The following TCERG1L variants were observed in gnomAD, a reference collection of about 807,000 sequenced individuals.
TCERG1L encodes the protein transcription elongation regulator 1 like, also known as transcription elongation regulator 1-like protein.
In TCERG1L, 37 loss-of-function variants were observed where a neutral mutation model predicts 56.3. That is an observed-to-expected ratio of 0.66 (90% CI 0.51 to 0.87). The LOEUF (loss-of-function observed/expected upper bound fraction) is 0.87, where lower values mean the gene tolerates loss of function less well. TCERG1L is among the 40% of genes least tolerant of loss of function. The pLI, the probability that TCERG1L is intolerant of heterozygous loss-of-function variation, is 0.00. For missense variants in TCERG1L, 799 were observed against 774.2 expected, an observed-to-expected ratio of 1.03 and a Z score of -0.38; for synonymous variants, 324 against 326.3, an observed-to-expected ratio of 0.99 and a Z score of 0.08.
intron 4 of TCERG1L, among the ~76,000 whole-genome samples, chr10:131,167,752 G>A (rs1846047706): frequency 6.6e-6 from 1 of 152,210 alleles, no homozygotes; most frequent in Admixed American, 6.5e-5. Context: ...CGGACCCACA[G>A]CACTTGGAAA....
intron 9 of TCERG1L, among the ~76,000 whole-genome samples, chr10:131,115,573 C>T (rs575326627): frequency 3.2e-5 from 2 of 62,810 alleles, no homozygotes; most frequent in South Asian, 1.5e-3. Context: ...AGGCCTGACA[C>T]GGGGTATTGC....
intron 4 of TCERG1L, among the ~76,000 whole-genome samples, chr10:131,225,025 G>A (rs1055647281): frequency 6.6e-6 from 1 of 152,140 alleles, no homozygotes; most frequent in African/African-American, 2.4e-5. Flanking sequence ...AGGCTCATGA[G>A]TGCCGTGGAT....
At chr10:131,281,256 G>A (rs562174533) in intron 3 of TCERG1L, among the ~76,000 whole-genome samples, 2 of 152,182 alleles carry the variant, frequency 1.3e-5, no homozygotes, top group African/African-American at 2.4e-5. Flanking sequence ...TGTCTATCAC[G>A]GCGGCCTTGC....
chr10:131,240,244 C>G (rs937491916), intron 4 of TCERG1L, among the ~76,000 whole-genome samples: 4 of 152,190 alleles, frequency 2.6e-5, no homozygotes, highest in Non-Finnish European at 5.9e-5. Context: ...CGCTTGGCAG[C>G]TGAGCATCAG....
chr10:131,174,911 G>A (rs1428149225), intron 4 of TCERG1L, among the ~76,000 whole-genome samples: 3 of 151,998 alleles, frequency 2.0e-5, no homozygotes, highest in African/African-American at 7.2e-5. Flanking sequence ...CCTGTTACCT[G>A]AACCCACCCC....
At chr10:131,169,068 T>A (rs1461421988) in intron 4 of TCERG1L, among the ~76,000 whole-genome samples, 1 of 152,154 alleles carries the variant, frequency 6.6e-6, no homozygotes, top group African/African-American at 2.4e-5. Context: ...GTCCCTGGAT[T>A]GCATTAAGAT....
intron 3 of TCERG1L, among the ~76,000 whole-genome samples, chr10:131,278,355 T>TG (rs1375979757): frequency 6.7e-6 from 1 of 149,022 alleles, no homozygotes; most frequent in Non-Finnish European, 1.5e-5. Flanking sequence ...TTTTTTTTTT[T>TG]GAGACAGAGT....
chr10:131,250,724 C>T (rs377561663), intron 4 of TCERG1L, among the ~76,000 whole-genome samples: 6 of 152,294 alleles, frequency 3.9e-5, no homozygotes, highest in South Asian at 2.1e-4. Flanking sequence ...GGGAGCCCAG[C>T]GCCCTGTTAG....
intron 8 of TCERG1L, among the ~76,000 whole-genome samples, chr10:131,127,090 C>T (rs942474698): frequency 2.0e-5 from 3 of 152,170 alleles, no homozygotes; most frequent in Admixed American, 2.0e-4. Context: ...TCTCAGGACA[C>T]AGGATTCTAA....
At chr10:131,208,744 G>A (rs1845578270) in intron 4 of TCERG1L, among the ~76,000 whole-genome samples, 1 of 152,144 alleles carries the variant, frequency 6.6e-6, no homozygotes, top group Non-Finnish European at 1.5e-5. Flanking sequence ...CACCTCATGT[G>A]GCTCATCTCA....
intron 4 of TCERG1L, among the ~76,000 whole-genome samples, chr10:131,213,719 G>A (rs1370277332): frequency 6.6e-6 from 1 of 152,200 alleles, no homozygotes; most frequent in Non-Finnish European, 1.5e-5. Context: ...CCTGGACCCT[G>A]CTCTCCTGTG....
At position 131,238,072 on chromosome 10, in the gene TCERG1L, C is replaced by T. The variant is rs12571989; in HGVS notation, c.856+22187G>A. 6.6e-4 allele frequency among the ~76,000 whole-genome samples: 101 copies of T among 152,290 alleles called. No individual in the cohort carries two copies. The East Asian group carries it at 0.012, about 18-fold the overall frequency. The stretch of plus-strand genomic sequence containing the variant: ...GAAAACTCAAGGAACCCTCCGTGAC[C>T]TCAGGGCCTGCCCAATTATCTTCCA... On this transcript the variant is annotated intron_variant, in intron 4 of 11. Transcript: ENST00000368642.
At chr10:131,171,425 G>A (rs1318829065) in intron 4 of TCERG1L, among the ~76,000 whole-genome samples, 1 of 152,132 alleles carries the variant, frequency 6.6e-6, no homozygotes, top group East Asian at 1.9e-4. Flanking sequence ...GTGCCTGGAA[G>A]GTGAAGACTC....
chr10:131,209,731 T>C (rs981181293), intron 4 of TCERG1L, among the ~76,000 whole-genome samples: 8 of 152,272 alleles, frequency 5.3e-5, no homozygotes, highest in Admixed American at 2.6e-4. Flanking sequence ...AATTATTATA[T>C]TTTATAGTTA....
chr10:131,124,297 T>C (rs1845543168), intron 8 of TCERG1L, among the ~76,000 whole-genome samples: 1 of 152,158 alleles, frequency 6.6e-6, no homozygotes, highest in Non-Finnish European at 1.5e-5. Context: ...CAGATTCTAC[T>C]TTCCAAAAGA....
intron 8 of TCERG1L, among the ~76,000 whole-genome samples, chr10:131,122,317 C>A (rs1241703380): frequency 6.6e-6 from 1 of 152,178 alleles, no homozygotes; most frequent in Non-Finnish European, 1.5e-5. Context: ...AAGGAAGGGG[C>A]TGGCGTGTCA....
chr10:131,258,454 C>T (rs902479932), intron 4 of TCERG1L, among the ~76,000 whole-genome samples: 3 of 152,172 alleles, frequency 2.0e-5, no homozygotes, highest in Admixed American at 6.5e-5. Flanking sequence ...TCACCAGGGG[C>T]GCCCCTGGCA....
chr10:131,181,593 G>A (rs1845176104), intron 4 of TCERG1L, among the ~76,000 whole-genome samples: 1 of 152,246 alleles, frequency 6.6e-6, no homozygotes, highest in East Asian at 1.9e-4. Flanking sequence ...ACAATTGTTT[G>A]GACAAGAGCC....
At chr10:131,280,988 T>A (rs1846445928) in intron 3 of TCERG1L, among the ~76,000 whole-genome samples, 1 of 152,230 alleles carries the variant, frequency 6.6e-6, no homozygotes, top group Admixed American at 6.5e-5. Flanking sequence ...TCATTTGACC[T>A]TTTAGAGTCA....
Sources: allele counts gnomAD v4.1 joint callset (sites outside exome capture counted in the v4.1 genomes callset), GRCh38; gene constraint gnomAD v4.1.1; transcripts MANE v1.5; gene names NCBI Gene and HGNC (gene_info 2026-07-23, HGNC 2026-07-21).